Variants in ZNF609 observed in about 807,000 individuals in gnomAD.
ZNF609 encodes the protein zinc finger protein 609.
In ZNF609, 11 loss-of-function variants were observed where a neutral mutation model predicts 109.5. The observed-to-expected ratio is 0.10, with a 90% CI of 0.06 to 0.17. The LOEUF (loss-of-function observed/expected upper bound fraction) is 0.17, where lower values mean the gene tolerates loss of function less well. ZNF609 is among the 10% of genes least tolerant of loss of function. The pLI, the probability that ZNF609 is intolerant of heterozygous loss-of-function variation, is 1.00. For synonymous variants in ZNF609, 646 were observed against 662.0 expected (o/e 0.98, Z 0.37); for missense variants, 1,559 against 1,772.4 (o/e 0.88, Z 2.16).
At chr15:64,507,463 T>G (rs1002849492) in intron 2 of ZNF609, among the ~76,000 whole-genome samples, 4 of 152,188 alleles carry the variant, frequency 2.6e-5, no homozygotes, top group African/African-American at 9.7e-5. Context: ...GTAACCCGCC[T>G]CCAGAGCTGC....
intron 2 of ZNF609, among the ~76,000 whole-genome samples, chr15:64,540,853 C>A (rs558383794): frequency 6.7e-6 from 1 of 148,536 alleles, no homozygotes; most frequent in Admixed American, 6.7e-5. Context: ...CATGGTGAAA[C>A]CCTGTCTCTA....
At chr15:64,588,192 G>A (rs1404306921) in intron 2 of ZNF609, among the ~76,000 whole-genome samples, 1 of 150,100 alleles carries the variant, frequency 6.7e-6, no homozygotes, top group African/African-American at 2.4e-5. Context: ...ACTTTGGGAG[G>A]CCGAGGCGGG....
At position 64,674,650 on chromosome 15, in the gene ZNF609, C is replaced by A. The variant is rs1896782084; in HGVS notation, c.1796C>A (p.Thr599Lys). 1 of 1,614,058 alleles carries A rather than the reference C, an allele frequency of 6.2e-7. No homozygotes were observed. The highest frequency in any genetic ancestry group is 8.5e-7 in the Non-Finnish European group (1 of 1,180,048). ...AAAAAGTTGAGTGGGGAAGGGGACA[C>A]AGACCTTGGGGCCTTATCCAATGAT... The part of the protein sequence containing the change: ...CKKKLSGEGD[T>K]DLGALSNDGS... The change falls in exon 5 of 10, where the codon ACA becomes AAA. Residue 599 changes from threonine (T) to lysine (K), a missense_variant. This residue lies in a region of ZNF609 where 1,204 missense variants were observed against 1,314.1 expected (regional missense o/e 0.92). Transcript: ENST00000326648.
intron 3 of ZNF609, among the ~76,000 whole-genome samples, chr15:64,644,841 G>T (rs1896306927): frequency 6.6e-6 from 1 of 152,164 alleles, no homozygotes; most frequent in Admixed American, 6.5e-5. Context: ...ATTATAATAA[G>T]AAGAGGAGTA....
At chr15:64,609,104 C>CTT (rs1895667489) in intron 2 of ZNF609, among the ~76,000 whole-genome samples, 1 of 32,914 alleles carries the variant, frequency 3.0e-5, no homozygotes, top group African/African-American at 6.1e-5. Flanking sequence ...TTCTTTCTTT[C>CTT]TTTCTTTCTT....
At chr15:64,556,466 A>G (rs1894588937) in intron 2 of ZNF609, among the ~76,000 whole-genome samples, 1 of 150,658 alleles carries the variant, frequency 6.6e-6, no homozygotes, top group African/African-American at 2.5e-5. Flanking sequence ...ATTATTCTAA[A>G]TGCTTCATAT....
At chr15:64,655,230 G>C (rs893730089) in intron 3 of ZNF609, among the ~76,000 whole-genome samples, 2 of 150,616 alleles carry the variant, frequency 1.3e-5, no homozygotes, top group Non-Finnish European at 3.0e-5. Context: ...GGATCACTGA[G>C]GTCGGGAGTT....
intron 2 of ZNF609, among the ~76,000 whole-genome samples, chr15:64,526,028 G>A (rs973137671): frequency 6.6e-6 from 1 of 151,300 alleles, no homozygotes; most frequent in Non-Finnish European, 1.5e-5. Context: ...GGCCTCGAGT[G>A]ATCTGCCTGC....
intron 3 of ZNF609, among the ~76,000 whole-genome samples, chr15:64,651,877 G>A (rs962149593): frequency 6.6e-6 from 1 of 151,950 alleles, no homozygotes; most frequent in Non-Finnish European, 1.5e-5. Flanking sequence ...AAGTAGAGCT[G>A]TTTTGTTTCT....
chr15:64,481,933 C>T (rs138818755), intron 1 of ZNF609, among the ~76,000 whole-genome samples: 150 of 152,106 alleles, frequency 9.9e-4, no homozygotes, highest in African/African-American at 3.3e-3. Context: ...TATAGTCACA[C>T]GCCACCACAC....
chr15:64,473,965 G>A (rs1893130079), intron 1 of ZNF609, among the ~76,000 whole-genome samples: 1 of 151,808 alleles, frequency 6.6e-6, no homozygotes, highest in Non-Finnish European at 1.5e-5. Context: ...AGTAGAGATG[G>A]GGTTTCACCA....
intron 5 of ZNF609, among the ~76,000 whole-genome samples, chr15:64,677,346 G>C (rs891036167): frequency 6.6e-5 from 10 of 152,124 alleles, no homozygotes; most frequent in Non-Finnish European, 1.5e-4. Flanking sequence ...TCATATTAAT[G>C]TTTTTTAAAA....
chr15:64,483,432 G>C (rs928614171), intron 1 of ZNF609, among the ~76,000 whole-genome samples: 8 of 151,858 alleles, frequency 5.3e-5, no homozygotes, highest in African/African-American at 1.9e-4. Flanking sequence ...TGTCAGCCAG[G>C]CTGGAGTGCA....
intron 2 of ZNF609, chr15:64,529,090 A>C (rs1894016424): frequency 2.1e-6 from 2 of 940,572 alleles, no homozygotes; most frequent in South Asian, 2.7e-5. Flanking sequence ...ATCACGTGAC[A>C]GTTTCCCGGA....
At chr15:64,479,284 A>ATTTTTTTTTTTTTTTTTTTTTTT (rs34496032) in intron 1 of ZNF609, among the ~76,000 whole-genome samples, 1 of 86,544 alleles carries the variant, frequency 1.2e-5, no homozygotes. Flanking sequence ...TACCTGTGTG[A>ATTTTTTTTTTTTTTTTTTTTTTT]TTTTTTTTTT....
intron 2 of ZNF609, among the ~76,000 whole-genome samples, chr15:64,608,767 C>G (rs1035228784): frequency 6.6e-6 from 1 of 151,744 alleles, no homozygotes; most frequent in Non-Finnish European, 1.5e-5. Context: ...GATACAGCAT[C>G]TCACTTTGTC....
At chr15:64,512,663 T>TA (rs1265467374) in intron 2 of ZNF609, among the ~76,000 whole-genome samples, 3 of 151,972 alleles carry the variant, frequency 2.0e-5, no homozygotes, top group Admixed American at 1.3e-4. Context: ...TGATTTTTTT[T>TA]AAAATAAATA....
chr15:64,642,358 T>C (rs1352643445), intron 3 of ZNF609, among the ~76,000 whole-genome samples: 1 of 152,084 alleles, frequency 6.6e-6, no homozygotes, highest in Non-Finnish European at 1.5e-5. Context: ...TAACTTTTTT[T>C]TTCTTTTGTA....
chr15:64,494,767 C>A (rs1893459661), intron 1 of ZNF609, among the ~76,000 whole-genome samples: 1 of 152,062 alleles, frequency 6.6e-6, no homozygotes, highest in African/African-American at 2.4e-5. Flanking sequence ...TCAGGTAATC[C>A]ACCCGTCTAG....
Sources: gnomAD v4.1 joint callset for allele counts (sites outside exome capture counted in the v4.1 genomes callset) on GRCh38, gnomAD v4.1.1 for gene constraint, gnomAD v4.1.1 regional missense constraint, MANE v1.5 for transcripts, NCBI Gene and HGNC (gene_info 2026-07-23, HGNC 2026-07-21) for gene names.